STS: variants seen among roughly 807,000 people sequenced by gnomAD.
The protein encoded by STS is steryl-sulfatase.
Under a neutral mutation model 26.8 loss-of-function variants are expected in STS, and 7 were observed. The ratio of observed to expected loss-of-function variants is 0.26; its 90% CI spans 0.15 to 0.49. The LOEUF (loss-of-function observed/expected upper bound fraction) is 0.49. Among genes scored for constraint, STS ranks in the 20% least tolerant of loss-of-function variants. STS has a pLI of 0.98. For synonymous variants in STS, 199 were observed against 189.4 expected (o/e 1.05, Z -0.42); for missense variants, 434 against 465.6 (o/e 0.93, Z 0.63).
At chrX:7,236,710 C>G (rs1158170801) in intron 2 of STS, among the ~76,000 whole-genome samples, 4 of 111,960 alleles carry the variant, frequency 3.6e-5, no homozygotes, top group Non-Finnish European at 7.5e-5. Flanking sequence ...TTTGACTAGT[C>G]CTTTTTTCCT....
chrX:7,302,336 A>G (rs190956382), intron 7 of STS, among the ~76,000 whole-genome samples: 38 of 111,258 alleles, frequency 3.4e-4, no homozygotes, highest in African/African-American at 1.2e-3. Flanking sequence ...ATTTCAACTC[A>G]TTAAGCTAAT....
chrX:7,178,689 C>G (rs1267355600), intron 1 of STS, among the ~76,000 whole-genome samples: 7 of 112,664 alleles, frequency 6.2e-5, no homozygotes. Flanking sequence ...TCTAGTCCTT[C>G]TCCTGAAAGT....
At chrX:7,289,117 G>A (rs1925287232) in intron 7 of STS, among the ~76,000 whole-genome samples, 1 of 111,808 alleles carries the variant, frequency 8.9e-6, no homozygotes, top group Non-Finnish European at 1.9e-5. Context: ...GGCTTCAACT[G>A]CTAGAGCTGT....
intron 7 of STS, among the ~76,000 whole-genome samples, chrX:7,298,483 G>GA (rs1256497113): frequency 2.5e-4 from 28 of 111,370 alleles, no homozygotes; most frequent in African/African-American, 8.2e-4. Context: ...AACTGGAGAT[G>GA]ATACACCTAT....
intron 2 of STS, among the ~76,000 whole-genome samples, chrX:7,250,617 T>A (rs1923093458): frequency 8.9e-6 from 1 of 112,024 alleles, no homozygotes; most frequent in African/African-American, 3.2e-5. Flanking sequence ...TTAAGCCGAA[T>A]TGAGGGCCTT....
intron 1 of STS, among the ~76,000 whole-genome samples, chrX:7,175,584 C>G (rs1248450057): frequency 3.6e-5 from 4 of 112,165 alleles, no homozygotes; most frequent in African/African-American, 1.3e-4. Flanking sequence ...GACATGATTA[C>G]AGGTTATAGT....
At chrX:7,318,698 A>G (rs1439089190) in intron 8 of STS, among the ~76,000 whole-genome samples, 1 of 110,950 alleles carries the variant, frequency 9.0e-6, no homozygotes, top group Non-Finnish European at 1.9e-5. Flanking sequence ...GGGTGTGACA[A>G]TTTGTTAACA....
chrX:7,264,022 A>G (rs1046560332), intron 6 of STS, among the ~76,000 whole-genome samples: 4 of 112,077 alleles, frequency 3.6e-5, no homozygotes, highest in African/African-American at 6.5e-5. Context: ...TTATAGATCT[A>G]TCAGAATTCA....
chrX:7,193,042 G>A (rs1454350742), intron 2 of STS, among the ~76,000 whole-genome samples: 1 of 112,454 alleles, frequency 8.9e-6, no homozygotes, highest in Non-Finnish European at 1.9e-5. Flanking sequence ...AAGAATTAAA[G>A]AGAACAAAAG....
At chrX:7,282,333 T>TG (rs1235279406) in intron 7 of STS, among the ~76,000 whole-genome samples, 2 of 111,902 alleles carry the variant, frequency 1.8e-5, no homozygotes, top group African/African-American at 6.5e-5. Flanking sequence ...CCTGAGTAGC[T>TG]GGGACTGCAG....
chrX:7,282,492 T>C (rs1376481016), intron 7 of STS, among the ~76,000 whole-genome samples: 1 of 112,254 alleles, frequency 8.9e-6, no homozygotes, highest in Non-Finnish European at 1.9e-5. Context: ...TGAGCCTCCA[T>C]GCTTGGCCAG....
intron 7 of STS, among the ~76,000 whole-genome samples, chrX:7,294,045 CTT>C (rs1925549725): frequency 9.0e-6 from 1 of 111,468 alleles, no homozygotes; most frequent in Admixed American, 9.5e-5. Flanking sequence ...CCAAAAAAAA[CTT>C]TTAACTGTAA....
chrX:7,349,943 C>T lies in STS; in HGVS notation c.1419C>T (p.Ser473=), dbSNP rs142392517. ...CCCCCAACTTCAACCCCGTGGGTTCCAACGGATGCTTTGCCACACACGTGT... is the reference window on the plus strand; with the variant it reads ...CCCCCAACTTCAACCCCGTGGGTTCTAACGGATGCTTTGCCACACACGTGT... ...FFTPNFNPVG[S]NGCFATHVCF... The change falls in exon 11 of 11, where the codon TCC becomes TCT. Residue 473 remains serine, a synonymous_variant. Coordinates refer to ENST00000674429, the MANE Select transcript of STS (RefSeq NM_001320752.2). 15 of 1,210,228 alleles carry T rather than the reference C, an allele frequency of 1.2e-5. No homozygotes were observed. The African/African-American group carries it at 2.3e-4, about 18-fold the overall frequency.
chrX:7,283,795 G>C (rs746364419), intron 7 of STS, among the ~76,000 whole-genome samples: 2 of 111,437 alleles, frequency 1.8e-5, no homozygotes, highest in African/African-American at 6.5e-5. Context: ...AGAGCTGGTG[G>C]CTTGTGATGA....
At chrX:7,296,339 A>G (rs1391537947) in intron 7 of STS, among the ~76,000 whole-genome samples, 2 of 112,282 alleles carry the variant, frequency 1.8e-5, no homozygotes, top group Non-Finnish European at 3.8e-5. Context: ...CCCAATCTCT[A>G]TCTTTGCAAG....
At chrX:7,172,075 A>G (rs1933479073) in intron 1 of STS, among the ~76,000 whole-genome samples, 1 of 111,781 alleles carries the variant, frequency 8.9e-6, no homozygotes, top group African/African-American at 3.2e-5. Context: ...GTGAGTCCCT[A>G]TCCCCACATC....
Position 7,257,353 on chromosome X carries a change from T to G in STS, c.249T>G (p.Pro83=). 8.3e-7 allele frequency: 1 copy of G among 1,211,860 alleles called. No individual in the cohort carries two copies. Among genetic ancestry groups the G allele is most frequent in the Non-Finnish European group, 1.1e-6 (1 of 895,310 alleles). Residue 83 remains proline (P), a synonymous_variant, in exon 4 of 11, where the codon CCT becomes CCG. Transcript: ENST00000674429. ...CAGCCTTCATGACTGGCCGGTACCC[T>G]GTCCGATCAGGTAACCTCCTATCTG... ...SRAAFMTGRY[P]VRSGMASWSR... is the part of the protein sequence containing the mutation.
At chrX:7,195,751 G>A (rs900640997) in intron 2 of STS, among the ~76,000 whole-genome samples, 1 of 111,943 alleles carries the variant, frequency 8.9e-6, no homozygotes, top group Non-Finnish European at 1.9e-5. Flanking sequence ...TCAGCCCTGC[G>A]GTGGGAATTG....
At chrX:7,307,467 G>A (rs781664168) in intron 8 of STS, among the ~76,000 whole-genome samples, 4 of 111,332 alleles carry the variant, frequency 3.6e-5, no homozygotes, top group South Asian at 7.7e-4. Flanking sequence ...GTAGAATGAG[G>A]CCTCTCTCAC....
Sources: gnomAD v4.1 joint callset for allele counts (sites outside exome capture counted in the v4.1 genomes callset) on GRCh38, gnomAD v4.1.1 for gene constraint, MANE v1.5 for transcripts, NCBI Gene and HGNC (gene_info 2026-07-23, HGNC 2026-07-21) for gene names.